PVT1: variants seen among roughly 807,000 people sequenced by gnomAD.
PVT1 encodes CXCR4/PVT1 fusion.
chr8:127,831,233 G>A (rs1310440113), intron 2 of PVT1, among the ~76,000 whole-genome samples: 4 of 151,380 alleles, frequency 2.6e-5, no homozygotes, highest in African/African-American at 7.3e-5. Context: ...CAGGAGGGCC[G>A]TTTGAGGTCA....
At chr8:127,989,230 C>T (rs1030269152) in exon 4 of PVT1, 12 of 152,172 alleles carry the variant, frequency 7.9e-5, no homozygotes, top group African/African-American at 1.9e-4. Context: ...GCACTCTGGA[C>T]GGACTTGAGA....
At chr8:127,869,632 C>T (rs1232269373) in intron 2 of PVT1, among the ~76,000 whole-genome samples, 3 of 152,126 alleles carry the variant, frequency 2.0e-5, no homozygotes, top group East Asian at 3.9e-4. Flanking sequence ...CTGGTTGTTT[C>T]TACTGTTCCC....
At chr8:128,014,285 A>AG (rs1161940809) in intron 4 of PVT1, among the ~76,000 whole-genome samples, 1 of 152,192 alleles carries the variant, frequency 6.6e-6, no homozygotes, top group Non-Finnish European at 1.5e-5. Context: ...CATCTCTACA[A>AG]GGGGGGTTAG....
intron 4 of PVT1, among the ~76,000 whole-genome samples, chr8:128,016,356 G>T (rs929565918): frequency 6.6e-6 from 1 of 152,004 alleles, no homozygotes; most frequent in Non-Finnish European, 1.5e-5. Context: ...AAGTGAGGTT[G>T]GGTTTGTGAA....
At chr8:128,026,777 A>G (rs146538396) in intron 4 of PVT1, among the ~76,000 whole-genome samples, 27 of 152,328 alleles carry the variant, frequency 1.8e-4, no homozygotes, top group Non-Finnish European at 3.1e-4. Flanking sequence ...CTGGAAGCAC[A>G]GAACTGTAGT....
chr8:127,982,376 A>C (rs2052747), intron 3 of PVT1, among the ~76,000 whole-genome samples: 13,847 of 152,196 alleles, frequency 0.091, 2,088 homozygotes, highest in African/African-American at 0.31. Flanking sequence ...CACCCTCTGA[A>C]AACAAGAGGA....
chr8:128,055,676 G>T (rs1813754312), intron 4 of PVT1, among the ~76,000 whole-genome samples: 1 of 152,194 alleles, frequency 6.6e-6, no homozygotes, highest in Non-Finnish European at 1.5e-5. Flanking sequence ...TTCCACATGG[G>T]AGCATTTGGA....
At chr8:127,924,986 C>A (rs1268225409) in intron 3 of PVT1, among the ~76,000 whole-genome samples, 1 of 152,132 alleles carries the variant, frequency 6.6e-6, no homozygotes, top group East Asian at 1.9e-4. Context: ...AGTTGTGCAA[C>A]CATCACCACA....
intron 3 of PVT1, among the ~76,000 whole-genome samples, chr8:127,918,090 C>A (rs914171564): frequency 6.6e-6 from 1 of 152,336 alleles, no homozygotes; most frequent in East Asian, 1.9e-4. Flanking sequence ...CGCTCTGCAG[C>A]GCTGCCTTTC....
chr8:128,009,317 C>G lies in PVT1; in HGVS notation n.912+20026C>G, dbSNP rs79783428. Among the ~76,000 whole-genome samples, 1,271 of 152,262 alleles carry G rather than the reference C, an allele frequency of 8.3e-3. 19 individuals carry two copies. The highest frequency in any genetic ancestry group is 0.029 in the African/African-American group (1,207 of 41,558). Reference sequence around the variant, plus strand: ...AAAAGCATCACATAACAAAATATCTCTTGTTTAAAATATTTGCTACAAAAA... The same window carrying G: ...AAAAGCATCACATAACAAAATATCTGTTGTTTAAAATATTTGCTACAAAAA... On this transcript the variant is annotated intron_variant and non_coding_transcript_variant, in intron 4 of 10. Coordinates refer to ENST00000651587, the Ensembl canonical transcript of PVT1.
At chr8:127,799,913 C>A (rs887029181) in intron 2 of PVT1, among the ~76,000 whole-genome samples, 1 of 152,190 alleles carries the variant, frequency 6.6e-6, no homozygotes, top group Non-Finnish European at 1.5e-5. Context: ...CAGAAACAAG[C>A]CCTGGCTTAT....
intron 2 of PVT1, among the ~76,000 whole-genome samples, chr8:127,845,412 C>G (rs1815020598): frequency 6.6e-6 from 1 of 152,074 alleles, no homozygotes. Context: ...AGGAATGGCT[C>G]TCTGGTGGAC....
intron 3 of PVT1, among the ~76,000 whole-genome samples, chr8:127,899,739 C>G (rs955672741): frequency 3.3e-5 from 5 of 152,140 alleles, no homozygotes; most frequent in African/African-American, 7.2e-5. Context: ...GCTGAGGCAC[C>G]GGTGGAGACC....
rs556320686 is a variant in PVT1 at position 128,047,299 on chromosome 8, G to A, written n.913-22861G>A. On this transcript the variant is annotated intron_variant and non_coding_transcript_variant, in intron 4 of 10. Transcript: ENST00000651587. The stretch of plus-strand genomic sequence containing the variant: ...ATGACCTGTGAGAAGAGAGGTTGGT[G>A]TCTTGCTGCTAAGTTCCGCTTGATT... Among the ~76,000 whole-genome samples, 10 of 152,324 alleles carry A rather than the reference G, an allele frequency of 6.6e-5. No individual in the cohort carries two copies. In the East Asian group the frequency reaches 1.3e-3, roughly 21 times the overall value.
chr8:127,916,211 A>G (rs1194764559), intron 3 of PVT1, among the ~76,000 whole-genome samples: 1 of 152,212 alleles, frequency 6.6e-6, no homozygotes, highest in African/African-American at 2.4e-5. Context: ...TGTGAGGATT[A>G]AACACACCAT....
chr8:128,046,842 A>G (rs759042905), intron 4 of PVT1, among the ~76,000 whole-genome samples: 4 of 152,146 alleles, frequency 2.6e-5, no homozygotes, highest in Non-Finnish European at 4.4e-5. Flanking sequence ...TTTGTTCCCC[A>G]GGCTCTTAGT....
intron 4 of PVT1, among the ~76,000 whole-genome samples, chr8:128,061,191 G>T (rs563951744): frequency 2.6e-5 from 4 of 152,328 alleles, no homozygotes; most frequent in Non-Finnish European, 5.9e-5. Context: ...TTACAGACGT[G>T]AGCCACCATG....
chr8:127,979,143 G>T (rs1816856268), intron 3 of PVT1, among the ~76,000 whole-genome samples: 1 of 152,062 alleles, frequency 6.6e-6, no homozygotes. Context: ...CTATCTATTT[G>T]TCCATCTGGT....
chr8:127,988,054 T>C (rs1816990143), intron 3 of PVT1, among the ~76,000 whole-genome samples: 1 of 152,172 alleles, frequency 6.6e-6, no homozygotes, highest in Non-Finnish European at 1.5e-5. Flanking sequence ...CTGTCCGTGA[T>C]ACCAACACAT....
Sources: gnomAD v4.1 joint callset for allele counts (sites outside exome capture counted in the v4.1 genomes callset) on GRCh38, gnomAD v4.1.1 for gene constraint, MANE v1.5 for transcripts, NCBI Gene and HGNC (gene_info 2026-07-23, HGNC 2026-07-21) for gene names.